Variants in SLC36A1 observed in about 807,000 individuals in gnomAD.
The protein encoded by SLC36A1 is proton-coupled amino acid transporter 1.
In SLC36A1, 30 loss-of-function variants were observed where a neutral mutation model predicts 47.5. The ratio of observed to expected loss-of-function variants is 0.63; its 90% confidence interval spans 0.47 to 0.86. The LOEUF is 0.86. SLC36A1 is among the 40% of genes least tolerant of loss of function. The pLI, the probability that SLC36A1 is intolerant of heterozygous loss-of-function variation, is 0.00. For synonymous variants in SLC36A1, 255 were observed against 249.7 expected, an observed-to-expected ratio of 1.02 and a Z score of -0.20; for missense variants, 517 against 606.0, an observed-to-expected ratio of 0.85 and a Z score of 1.54.
chr5:151,512,145 C>A, the SLC36A1 span: 1 of 1,602,526 alleles, frequency 6.2e-7, no homozygotes, highest in Non-Finnish European at 8.5e-7. The surrounding 1 kb of genome is among the most constrained non-coding windows in gnomAD (Gnocchi z 4.1). Flanking sequence ...CTGGGTTCAG[C>A]CTGGCACCCC....
chr5:151,380,921 G>A, the SLC36A1 span: 8 of 404,328 alleles, frequency 2.0e-5, no homozygotes, highest in African/African-American at 1.0e-4. Flanking sequence ...GCAAGCATTG[G>A]CAATGCTCCA....
At position 151,465,123 on chromosome 5, in the gene SLC36A1, G is replaced by A; in HGVS notation, c.373G>A (p.Glu125Lys). ...DYGDTVMYGL[E>K]SSPCSWLRNH... ...TGGTGATACTGTGATGTATGGACTAGAATCCAGCCCCTGCTCCTGGCTCCG... is the reference window on the plus strand; with the variant it reads ...TGGTGATACTGTGATGTATGGACTAAAATCCAGCCCCTGCTCCTGGCTCCG... Residue 125 changes from glutamate (E) to lysine (K), a missense_variant, in exon 5 of 11, where the codon GAA (glutamate) becomes AAA (lysine). Transcript: ENST00000243389. 1 of 1,614,174 alleles carries A rather than the reference G, an allele frequency of 6.2e-7. No homozygotes were observed. Among genetic ancestry groups the A allele is most frequent in the Middle Eastern group, 1.6e-4 (1 of 6,062 alleles).
intron 1 of SLC36A1, among the ~76,000 whole-genome samples, chr5:151,457,973 C>T (rs1259404912): frequency 8.6e-5 from 13 of 151,854 alleles, no homozygotes; most frequent in African/African-American, 3.1e-4. Context: ...CTCAGCCTCC[C>T]GAGTAGCTGG....
At chr5:151,466,800 C>G (rs6579877) in intron 5 of SLC36A1, among the ~76,000 whole-genome samples, 40,242 of 152,046 alleles carry the variant, frequency 0.26, 7,643 homozygotes, top group African/African-American at 0.53. Context: ...GCATGTGTCT[C>G]ACCTCATGCA....
the SLC36A1 span, chr5:151,528,244 G>T: frequency 1.5e-6 from 2 of 1,334,064 alleles, no homozygotes; most frequent in Non-Finnish European, 1.0e-6. Context: ...GGCTAGCAGT[G>T]CCTGGATCAC....
chr5:151,394,974 T>C, the SLC36A1 span, among the ~76,000 whole-genome samples: 1 of 152,218 alleles, frequency 6.6e-6, no homozygotes. Flanking sequence ...TGCTGCCTTT[T>C]GTTTGGCTAT....
chr5:151,533,271 T>C, the SLC36A1 span, among the ~76,000 whole-genome samples: 4 of 152,200 alleles, frequency 2.6e-5, no homozygotes, highest in South Asian at 8.3e-4. Context: ...TTGCAGCCAT[T>C]AGATGGAGAC....
chr5:151,387,551 T>C, the SLC36A1 span, among the ~76,000 whole-genome samples: 1 of 152,158 alleles, frequency 6.6e-6, no homozygotes, highest in African/African-American at 2.4e-5. Flanking sequence ...CCATCTCAAC[T>C]CCTGCACAGA....
chr5:151,546,520 A>ATAG, the SLC36A1 span, among the ~76,000 whole-genome samples: 1 of 152,206 alleles, frequency 6.6e-6, no homozygotes, highest in Non-Finnish European at 1.5e-5. Context: ...CATGGTGTGC[A>ATAG]TAGTAGGTGC....
chr5:151,460,022 A>G (rs1165082257), intron 2 of SLC36A1, among the ~76,000 whole-genome samples: 2 of 152,198 alleles, frequency 1.3e-5, no homozygotes, highest in African/African-American at 4.8e-5. Flanking sequence ...TCTCAGGGGT[A>G]TGCTTTTGTA....
chr5:151,494,604 A>G (rs1306169170), downstream of SLC36A1, among the ~76,000 whole-genome samples: 1 of 152,174 alleles, frequency 6.6e-6, no homozygotes, highest in African/African-American at 2.4e-5. Flanking sequence ...TCCTTTTTAT[A>G]TTCCTCCATG....
intron 7 of SLC36A1, among the ~76,000 whole-genome samples, chr5:151,472,179 C>T (rs972953754): frequency 2.6e-5 from 4 of 152,252 alleles, no homozygotes; most frequent in African/African-American, 9.6e-5. Context: ...CGTCTGCAGG[C>T]TGAGGAGCAA....
the SLC36A1 span, chr5:151,553,209 C>T: frequency 6.2e-7 from 1 of 1,614,252 alleles, no homozygotes; most frequent in South Asian, 1.1e-5. Flanking sequence ...TCCGGGTCTG[C>T]CCTCTACGCT....
the SLC36A1 span, among the ~76,000 whole-genome samples, chr5:151,363,645 G>A: frequency 2.6e-5 from 4 of 152,070 alleles, no homozygotes; most frequent in Admixed American, 1.3e-4. Context: ...GAATTAACAG[G>A]CAAGCAGAGC....
the SLC36A1 span, among the ~76,000 whole-genome samples, chr5:151,349,486 A>G: frequency 6.6e-6 from 1 of 152,146 alleles, no homozygotes; most frequent in African/African-American, 2.4e-5. Flanking sequence ...AAGCTGTGGC[A>G]ACCCTTGGAA....
the SLC36A1 span, among the ~76,000 whole-genome samples, chr5:151,526,504 A>G: frequency 2.0e-4 from 30 of 152,358 alleles, no homozygotes; most frequent in Non-Finnish European, 3.8e-4. Context: ...TTAGTATACT[A>G]TAACACAATG....
At chr5:151,474,159 C>CAAAAAAAAAAAAAAAAAAAAAAAAA (rs1156305401) in intron 8 of SLC36A1, among the ~76,000 whole-genome samples, 4 of 59,954 alleles carry the variant, frequency 6.7e-5, no homozygotes, top group African/African-American at 3.3e-4. Context: ...GACTCTGTCT[C>CAAAAAAAAAAAAAAAAAAAAAAAAA]AAAAAAAAAA....
At chr5:151,471,410 T>C (rs1757296857) in intron 7 of SLC36A1, among the ~76,000 whole-genome samples, 1 of 152,244 alleles carries the variant, frequency 6.6e-6, no homozygotes, top group Admixed American at 6.5e-5. Flanking sequence ...CTTCTTCTGC[T>C]GGCCTCATTC....
chr5:151,467,436 T>C (rs1224023362), intron 6 of SLC36A1, among the ~76,000 whole-genome samples, 153 bp downstream of exon 6: 2 of 152,226 alleles, frequency 1.3e-5, no homozygotes, highest in Non-Finnish European at 2.9e-5. Context: ...ACGTCTTCTA[T>C]TTGATTCCCA....
Sources: allele counts gnomAD v4.1 joint callset (sites outside exome capture counted in the v4.1 genomes callset), GRCh38; gene constraint gnomAD v4.1.1; non-coding constraint Gnocchi (gnomAD v3.1); transcripts MANE v1.5; gene names NCBI Gene and HGNC (gene_info 2026-07-23, HGNC 2026-07-21).